The following ANAPC5 variants were observed in gnomAD, a reference collection of about 807,000 sequenced individuals.
ANAPC5 encodes the protein anaphase-promoting complex subunit 5.
Under a neutral mutation model 91.3 loss-of-function variants are expected in ANAPC5, and 60 were observed. That is an observed-to-expected ratio of 0.66 (90% CI 0.53 to 0.81). ANAPC5 has a LOEUF of 0.81. ANAPC5 is among the 40% of genes least tolerant of loss of function. The pLI, the probability that ANAPC5 is intolerant of heterozygous loss-of-function variation, is 0.00. For synonymous variants in ANAPC5, 340 were observed against 364.1 expected, an observed-to-expected ratio of 0.93 and a Z score of 0.75; for missense variants, 690 against 931.5, an observed-to-expected ratio of 0.74 and a Z score of 3.37.
At chr12:121,337,693 T>C (rs7970741) in intron 5 of ANAPC5, among the ~76,000 whole-genome samples, 2,401 of 152,216 alleles carry the variant, frequency 0.016, 63 homozygotes, top group African/African-American at 0.055. Flanking sequence ...CGCCCATGCC[T>C]AGCTCATCCT....
intron 5 of ANAPC5, among the ~76,000 whole-genome samples, chr12:121,341,760 C>A (rs1240812467): frequency 6.6e-6 from 1 of 152,056 alleles, no homozygotes; most frequent in African/African-American, 2.4e-5. Context: ...TAGTCACATA[C>A]CATTACTAAA....
At chr12:121,348,015 C>A (rs891264105) in intron 1 of ANAPC5, 134 bp from the exon 2 acceptor site, 15 of 638,944 alleles carry the variant, frequency 2.3e-5, no homozygotes, top group Non-Finnish European at 3.8e-5. Context: ...ATTTTTCTAT[C>A]TACCTAAAAC....
chr12:121,332,759 G>T (rs1445081525), intron 7 of ANAPC5: 1 of 152,074 alleles, frequency 6.6e-6, no homozygotes, highest in Non-Finnish European at 1.5e-5. Context: ...AGTAAATCAG[G>T]AATTAAGGAA....
At chr12:121,332,315 T>C (rs1903073662) in intron 7 of ANAPC5, 1 of 152,326 alleles carries the variant, frequency 6.6e-6, no homozygotes, top group Non-Finnish European at 1.5e-5. Flanking sequence ...TAATATTTTT[T>C]CCTTTAAATC....
At chr12:121,352,940 A>C (rs1307407940), upstream of ANAPC5, among the ~76,000 whole-genome samples, 1 of 152,112 alleles carries the variant, frequency 6.6e-6, no homozygotes, top group Non-Finnish European at 1.5e-5. Context: ...TAGAATGTTT[A>C]AATGATTGTG....
chr12:121,317,485 C>T (rs1007091666), intron 15 of ANAPC5, among the ~76,000 whole-genome samples: 8 of 151,956 alleles, frequency 5.3e-5, no homozygotes, highest in African/African-American at 1.9e-4. Flanking sequence ...AACTCCTGAC[C>T]TTGTGATCTG....
In ANAPC5 at chr12:121,309,704, C is replaced by T. The variant is rs1377843196; in HGVS notation, c.2053G>A (p.Glu685Lys). Residue 685 changes from glutamate to lysine, a missense_variant, in exon 16 of 17, where the codon GAA becomes AAA. Around this residue, in one of 5 missense-constraint regions of ANAPC5, gnomAD observed 317 missense variants for 438.7 expected, o/e 0.72. Coordinates refer to ENST00000261819, the MANE Select transcript of ANAPC5 (RefSeq NM_016237.5). Reference sequence around the variant, plus strand: ...CAGTCTTCGTACAGCTTCCTACCTTCTGCTTTCTTCGGCTGATCGTAGGAA... The same window carrying T: ...CAGTCTTCGTACAGCTTCCTACCTTTTGCTTTCTTCGGCTGATCGTAGGAA... ...AASYDQPKKAEALEAAIENLN... is the reference protein window; with the variant it reads ...AASYDQPKKAKALEAAIENLN... The T allele has an allele frequency of 6.2e-7, 1 of 1,613,586 alleles. No homozygotes were observed. Among genetic ancestry groups the T allele is most frequent in the Admixed American group, 1.7e-5 (1 of 59,914 alleles).
At chr12:121,313,146 C>T (rs1325018515) in intron 15 of ANAPC5, among the ~76,000 whole-genome samples, 9 of 151,830 alleles carry the variant, frequency 5.9e-5, no homozygotes, top group African/African-American at 1.5e-4. Context: ...GCCAACATGG[C>T]GAAACCCCGT....
chr12:121,345,210 G>A (rs888454388), intron 4 of ANAPC5, among the ~76,000 whole-genome samples: 24 of 152,198 alleles, frequency 1.6e-4, no homozygotes, highest in African/African-American at 5.8e-4. Context: ...CCAACTAAGT[G>A]AGTAACTTCC....
intron 11 of ANAPC5, among the ~76,000 whole-genome samples, chr12:121,322,800 A>G (rs1313170335): frequency 1.3e-5 from 2 of 152,184 alleles, no homozygotes; most frequent in Non-Finnish European, 2.9e-5. Context: ...AGGAGGGCAG[A>G]TCACTTGAGG....
At chr12:121,317,233 G>A (rs1032469164) in intron 15 of ANAPC5, among the ~76,000 whole-genome samples, 9 of 151,736 alleles carry the variant, frequency 5.9e-5, no homozygotes, top group African/African-American at 2.2e-4. Flanking sequence ...TGGTTAAAGT[G>A]GTAAATCTTG....
At chr12:121,354,052 G>A (rs1335289160), upstream of ANAPC5, among the ~76,000 whole-genome samples, 1 of 147,210 alleles carries the variant, frequency 6.8e-6, no homozygotes, top group Non-Finnish European at 1.5e-5. Flanking sequence ...ACAGTCGCTC[G>A]ATTTCGGCTC....
intron 7 of ANAPC5, chr12:121,332,623 G>A (rs978609245): frequency 6.6e-6 from 1 of 150,670 alleles, no homozygotes; most frequent in African/African-American, 2.4e-5. Context: ...ACCTACAATA[G>A]TGCCTAGTAC....
chr12:121,312,200 C>T (rs1029459804), intron 15 of ANAPC5, among the ~76,000 whole-genome samples: 1 of 152,134 alleles, frequency 6.6e-6, no homozygotes, highest in African/African-American at 2.4e-5. Context: ...TTAACATACT[C>T]TTAAGTAACC....
chr12:121,321,233 G>A (rs1902592272), intron 11 of ANAPC5: 1 of 139,854 alleles, frequency 7.2e-6, no homozygotes. Context: ...TAGGCAACAA[G>A]AACAAAATTC....
chr12:121,325,201 G>A (rs988072199), intron 11 of ANAPC5, among the ~76,000 whole-genome samples: 1 of 151,934 alleles, frequency 6.6e-6, no homozygotes, highest in Non-Finnish European at 1.5e-5. Context: ...GGTGGCTAAC[G>A]CCTATAATCC....
At chr12:121,353,222 A>G (rs1903974718), upstream of ANAPC5, among the ~76,000 whole-genome samples, 1 of 152,142 alleles carries the variant, frequency 6.6e-6, no homozygotes, top group Admixed American at 6.5e-5. Context: ...CTGCATTTCA[A>G]AGCCCTCCAA....
At chr12:121,314,791 C>G (rs1297669345) in intron 15 of ANAPC5, among the ~76,000 whole-genome samples, 1 of 152,030 alleles carries the variant, frequency 6.6e-6, no homozygotes, top group Non-Finnish European at 1.5e-5. Context: ...CCACTACACT[C>G]AGCTAATTTT....
At chr12:121,318,122 G>T in intron 15 of ANAPC5, 155 bp downstream of exon 15, 1 of 873,412 alleles carries the variant, frequency 1.1e-6, no homozygotes, top group Non-Finnish European at 1.6e-6. Context: ...CACCTCCACA[G>T]GCCTCCTTGG....
Sources: allele counts gnomAD v4.1 joint callset (sites outside exome capture counted in the v4.1 genomes callset), GRCh38; gene constraint gnomAD v4.1.1; regional missense constraint gnomAD v4.1.1; transcripts MANE v1.5; gene names NCBI Gene and HGNC (gene_info 2026-07-23, HGNC 2026-07-21).